ADAM18: variants seen among roughly 807,000 people sequenced by gnomAD.
ADAM18 encodes the protein disintegrin and metalloproteinase domain-containing protein 18.
A neutral mutation model predicts 94.4 loss-of-function variants in ADAM18; 117 were observed. The observed-to-expected ratio is 1.24, with a 90% CI of 1.07 to 1.45. The LOEUF is 1.45. ADAM18 is among the 40% of genes most tolerant of loss of function. ADAM18 has a pLI of 0.00. For missense variants in ADAM18, 936 were observed against 880.0 expected (o/e 1.06, Z -0.81); for synonymous variants, 327 against 291.6 (o/e 1.12, Z -1.24).
chr8:39,623,758 G>A (rs1192973187), intron 6 of ADAM18, among the ~76,000 whole-genome samples: 1 of 151,752 alleles, frequency 6.6e-6, no homozygotes, highest in East Asian at 1.9e-4. Flanking sequence ...CACCATGCCC[G>A]GCTAATTTTT....
intron 14 of ADAM18, among the ~76,000 whole-genome samples, chr8:39,670,776 A>G (rs543504011): frequency 3.5e-4 from 53 of 152,250 alleles, no homozygotes; most frequent in Non-Finnish European, 5.9e-4. Context: ...AAATACCGCC[A>G]TCTGTCATCA....
chr8:39,595,820 G>A (rs1219946237), intron 2 of ADAM18, among the ~76,000 whole-genome samples: 4 of 152,130 alleles, frequency 2.6e-5, no homozygotes, highest in Non-Finnish European at 4.4e-5. Context: ...CACCATGCCC[G>A]GCCTGAACTA....
At chr8:39,639,293 C>T (rs1383822520) in intron 10 of ADAM18, among the ~76,000 whole-genome samples, 1 of 151,976 alleles carries the variant, frequency 6.6e-6, no homozygotes, top group Non-Finnish European at 1.5e-5. Flanking sequence ...CCAAAGGAAA[C>T]CACTATCCAA....
chr8:39,680,370 A>C (rs574732809), intron 16 of ADAM18, 144 bp downstream of exon 16: 11 of 837,984 alleles, frequency 1.3e-5, no homozygotes, highest in Non-Finnish European at 1.8e-5. Context: ...TTAAATGATA[A>C]TTAAAACAAG....
At chr8:39,676,767 G>A (rs77700471) in intron 14 of ADAM18, among the ~76,000 whole-genome samples, 2,564 of 152,214 alleles carry the variant, frequency 0.017, 26 homozygotes, top group Non-Finnish European at 0.028. Context: ...GTTCCTATTC[G>A]GCCATTTTGG....
intron 10 of ADAM18, among the ~76,000 whole-genome samples, chr8:39,639,572 G>A (rs190373032): frequency 1.2e-4 from 18 of 151,782 alleles, no homozygotes; most frequent in East Asian, 1.2e-3. Context: ...TCCATATTTC[G>A]ACTGCTTCAT....
chr8:39,636,037 GAGA>G (rs1820067719), intron 7 of ADAM18, among the ~76,000 whole-genome samples: 1 of 144,332 alleles, frequency 6.9e-6, no homozygotes, highest in Non-Finnish European at 1.5e-5. Context: ...GAGAGAGAGA[GAGA>G]GGGGGCCTCA....
chr8:39,665,496 G>A (rs187805486), intron 13 of ADAM18, among the ~76,000 whole-genome samples: 105 of 152,284 alleles, frequency 6.9e-4, no homozygotes, highest in Middle Eastern at 3.4e-3. Flanking sequence ...GGTAAATATG[G>A]AACTTTATAG....
At chr8:39,721,395 TA>T (rs1822743394) in intron 18 of ADAM18, among the ~76,000 whole-genome samples, 2 of 151,306 alleles carry the variant, frequency 1.3e-5, no homozygotes, top group South Asian at 4.1e-4. Context: ...GCAACGAAAG[TA>T]AAAATGGACA....
At chr8:39,688,731 G>A (rs761228637) in intron 16 of ADAM18, among the ~76,000 whole-genome samples, 3 of 152,072 alleles carry the variant, frequency 2.0e-5, no homozygotes, top group African/African-American at 4.8e-5. Context: ...ATATTCCTTT[G>A]GGTATATAAC....
intron 18 of ADAM18, among the ~76,000 whole-genome samples, chr8:39,707,711 A>T (rs1011164694): frequency 1.3e-5 from 2 of 152,140 alleles, no homozygotes; most frequent in Non-Finnish European, 2.9e-5. Flanking sequence ...ATATAAACAT[A>T]CAAGTTTATT....
chr8:39,606,747 T>C (rs1819098659), intron 3 of ADAM18, among the ~76,000 whole-genome samples: 1 of 152,078 alleles, frequency 6.6e-6, no homozygotes, highest in Admixed American at 6.6e-5. Flanking sequence ...AGCTTTTTAA[T>C]CACCTGGGGG....
At chr8:39,603,025 A>G (rs1585886456) in intron 2 of ADAM18, among the ~76,000 whole-genome samples, 1 of 150,080 alleles carries the variant, frequency 6.7e-6, no homozygotes, top group Non-Finnish European at 1.5e-5. Flanking sequence ...TGGACATCCA[A>G]TTGTTCTATC....
At chr8:39,658,346 C>A (rs1190847802) in intron 12 of ADAM18, among the ~76,000 whole-genome samples, 2 of 152,044 alleles carry the variant, frequency 1.3e-5, no homozygotes, top group Non-Finnish European at 2.9e-5. Context: ...AGACAATATA[C>A]CACATTATTC....
At chr8:39,694,100 G>A (rs939804815) in intron 17 of ADAM18, among the ~76,000 whole-genome samples, 1 of 151,134 alleles carries the variant, frequency 6.6e-6, no homozygotes, top group African/African-American at 2.4e-5. Context: ...AAGAAGTTAA[G>A]AACATAACAG....
intron 2 of ADAM18, among the ~76,000 whole-genome samples, chr8:39,603,079 T>G (rs768642530): frequency 6.6e-6 from 1 of 152,232 alleles, no homozygotes; most frequent in Admixed American, 6.5e-5. Flanking sequence ...GAGATTCGTC[T>G]TTTTGCATGT....
chr8:39,637,758 T>C, intron 9 of ADAM18, 55 bp downstream of exon 9: 1 of 1,418,248 alleles, frequency 7.1e-7, no homozygotes, highest in Non-Finnish European at 9.3e-7. Context: ...TTTAAATTGG[T>C]AATTTAGTGA....
intron 7 of ADAM18, among the ~76,000 whole-genome samples, chr8:39,630,393 A>T (rs1819900368): frequency 6.6e-6 from 1 of 151,202 alleles, no homozygotes; most frequent in Non-Finnish European, 1.5e-5. Context: ...ATATACTTAT[A>T]TATCTATATA....
intron 18 of ADAM18, among the ~76,000 whole-genome samples, chr8:39,711,184 C>A (rs1822386083): frequency 6.6e-6 from 1 of 151,966 alleles, no homozygotes; most frequent in Non-Finnish European, 1.5e-5. Flanking sequence ...GACTACAAAG[C>A]CAAAAAATAC....
Sources: gnomAD v4.1 joint callset for allele counts (sites outside exome capture counted in the v4.1 genomes callset) on GRCh38, gnomAD v4.1.1 for gene constraint, MANE v1.5 for transcripts, NCBI Gene and HGNC (gene_info 2026-07-23, HGNC 2026-07-21) for gene names.